Variants in PLCB1 observed in about 807,000 individuals in gnomAD.
The protein encoded by PLCB1 is 1-phosphatidylinositol 4,5-bisphosphate phosphodiesterase beta-1.
A neutral mutation model predicts 161.8 loss-of-function variants in PLCB1; 46 were observed. The ratio of observed to expected loss-of-function variants is 0.28; its 90% CI spans 0.22 to 0.36. The LOEUF (loss-of-function observed/expected upper bound fraction) is 0.36, where lower values mean the gene tolerates loss of function less well. PLCB1 is among the 10% of genes least tolerant of loss of function. The pLI, the probability that PLCB1 is intolerant of heterozygous loss-of-function variation, is 1.00. For synonymous variants in PLCB1, 517 were observed against 503.7 expected (o/e 1.03, Z -0.35); for missense variants, 1,016 against 1,472.5 (o/e 0.69, Z 5.07).
intron 26 of PLCB1, among the ~76,000 whole-genome samples, chr20:8,766,052 G>T (rs114129976): frequency 2.3e-3 from 356 of 152,230 alleles, no homozygotes; most frequent in African/African-American, 8.1e-3. Flanking sequence ...GCCCTACACA[G>T]GTGACTCTAA....
intron 31 of PLCB1, among the ~76,000 whole-genome samples, chr20:8,868,522 AAGAATATC>A (rs1987504734): frequency 6.6e-6 from 1 of 152,236 alleles, no homozygotes; most frequent in Non-Finnish European, 1.5e-5. Context: ...CTCAACACAC[AAGAATATC>A]AGGTTCCTGA....
chr20:8,661,941 G>A (rs1989635738), intron 9 of PLCB1, among the ~76,000 whole-genome samples: 2 of 14,922 alleles, frequency 1.3e-4, no homozygotes, highest in African/African-American at 2.1e-4. Context: ...TCTTAAAAGT[G>A]TATATATATA....
At chr20:8,662,793 C>T (rs975968595) in intron 9 of PLCB1, among the ~76,000 whole-genome samples, 1 of 151,682 alleles carries the variant, frequency 6.6e-6, no homozygotes, top group African/African-American at 2.4e-5. Context: ...AGAGAAGGCG[C>T]ATTAAGCATG....
intron 26 of PLCB1, among the ~76,000 whole-genome samples, chr20:8,772,658 C>T (rs1483755453): frequency 1.3e-5 from 2 of 152,088 alleles, no homozygotes; most frequent in Middle Eastern, 3.2e-3. Flanking sequence ...TCAGGCCGGG[C>T]GCGGTGGCTC....
chr20:8,514,359 G>A (rs1984020984), intron 3 of PLCB1, among the ~76,000 whole-genome samples: 1 of 150,572 alleles, frequency 6.6e-6, no homozygotes, highest in South Asian at 2.1e-4. Context: ...GGAATCACTT[G>A]AACCTGGGAG....
intron 19 of PLCB1, among the ~76,000 whole-genome samples, chr20:8,736,815 C>T (rs1980610310): frequency 6.6e-6 from 1 of 152,180 alleles, no homozygotes; most frequent in Non-Finnish European, 1.5e-5. Flanking sequence ...GATTACAATT[C>T]AACATGAGAT....
At chr20:8,588,683 G>A (rs940458918) in intron 3 of PLCB1, among the ~76,000 whole-genome samples, 1 of 152,130 alleles carries the variant, frequency 6.6e-6, no homozygotes, top group Admixed American at 6.5e-5. Flanking sequence ...GAGAGAGGCT[G>A]CAGGAGAGAC....
intron 2 of PLCB1, among the ~76,000 whole-genome samples, chr20:8,152,411 T>G (rs1230071296): frequency 6.6e-6 from 1 of 152,110 alleles, no homozygotes; most frequent in Non-Finnish European, 1.5e-5. Context: ...CGACTCCAAG[T>G]GATGAATTAG....
chr20:8,603,638 G>A (rs562573365), intron 3 of PLCB1, among the ~76,000 whole-genome samples: 81 of 152,314 alleles, frequency 5.3e-4, no homozygotes, highest in African/African-American at 1.8e-3. Flanking sequence ...TTGCCTCACC[G>A]AATCAGCACC....
chr20:8,409,066 C>G (rs1287088313), intron 3 of PLCB1, among the ~76,000 whole-genome samples: 1 of 152,184 alleles, frequency 6.6e-6, no homozygotes, highest in East Asian at 1.9e-4. Flanking sequence ...GGGTTAGAGA[C>G]TGATTTGGAG....
chr20:8,601,549 T>G (rs1245791682), intron 3 of PLCB1, among the ~76,000 whole-genome samples: 1 of 152,158 alleles, frequency 6.6e-6, no homozygotes, highest in East Asian at 1.9e-4. Context: ...ATAATAATGG[T>G]AATAACAGAA....
intron 2 of PLCB1, among the ~76,000 whole-genome samples, chr20:8,233,833 C>G (rs1980189152): frequency 6.6e-6 from 1 of 152,140 alleles, no homozygotes; most frequent in African/African-American, 2.4e-5. Flanking sequence ...ATGAAACAAA[C>G]TCATCTACTC....
chr20:8,304,164 A>C (rs1414033764), intron 2 of PLCB1, among the ~76,000 whole-genome samples: 2 of 152,196 alleles, frequency 1.3e-5, no homozygotes, highest in Non-Finnish European at 2.9e-5. Flanking sequence ...TTTTGTCAGT[A>C]TCTCTATCAT....
intron 3 of PLCB1, among the ~76,000 whole-genome samples, chr20:8,580,986 A>C (rs754465053): frequency 1.3e-5 from 2 of 152,234 alleles, no homozygotes; most frequent in Non-Finnish European, 2.9e-5. Flanking sequence ...GTGGTAAGAC[A>C]TTAGGCTAAT....
chr20:8,490,231 T>C (rs1982890474), intron 3 of PLCB1, among the ~76,000 whole-genome samples: 2 of 152,188 alleles, frequency 1.3e-5, no homozygotes, highest in Non-Finnish European at 2.9e-5. Context: ...TGTAATCCAT[T>C]TCTGAGCCAA....
chr20:8,765,050 C>T (rs1982243976), intron 25 of PLCB1, 89 bp from the exon 26 acceptor site: 1 of 996,188 alleles, frequency 1.0e-6, no homozygotes, highest in African/African-American at 1.6e-5. Context: ...GCAAGATCAA[C>T]CATTTCTTCC....
intron 2 of PLCB1, among the ~76,000 whole-genome samples, chr20:8,182,393 T>C (rs1417924215): frequency 1.3e-5 from 2 of 152,112 alleles, no homozygotes; most frequent in African/African-American, 4.8e-5. Context: ...ATATCTGAGC[T>C]TGGTCTTCCA....
chr20:8,755,553 C>T (rs115470699), intron 23 of PLCB1, among the ~76,000 whole-genome samples: 1,961 of 152,238 alleles, frequency 0.013, 43 homozygotes, highest in South Asian at 0.043. Flanking sequence ...TAAGGATCAG[C>T]ATTTATTCAA....
chr20:8,180,189 A>G (rs1399334371), intron 2 of PLCB1, among the ~76,000 whole-genome samples: 2 of 152,080 alleles, frequency 1.3e-5, no homozygotes, highest in East Asian at 3.9e-4. Context: ...AGTGATGCTG[A>G]TATTTTTTAA....
Sources: allele counts gnomAD v4.1 joint callset (sites outside exome capture counted in the v4.1 genomes callset), GRCh38; gene constraint gnomAD v4.1.1; transcripts MANE v1.5; gene names NCBI Gene and HGNC (gene_info 2026-07-23, HGNC 2026-07-21).